MROH7: variants seen among roughly 807,000 people sequenced by gnomAD.
MROH7 encodes the protein maestro heat-like repeat-containing protein family member 7.
MROH7 carries 113 observed loss-of-function variants against 129.2 expected under a neutral mutation model. The observed-to-expected ratio is 0.87, with a 90% CI of 0.75 to 1.02. MROH7 has a LOEUF of 1.02. MROH7 is among the 50% of genes least tolerant of loss of function. The pLI is 0.00. For missense variants in MROH7, 1,601 were observed against 1,671.3 expected (o/e 0.96, Z 0.73); for synonymous variants, 655 against 667.9 (o/e 0.98, Z 0.30).
intron 23 of MROH7, 88 bp downstream of exon 23, chr1:54,709,164 G>A (rs1271941887): frequency 1.6e-6 from 2 of 1,269,218 alleles, no homozygotes; most frequent in East Asian, 2.3e-5. Flanking sequence ...GGGAAGGGAT[G>A]TGTCCCAAGA....
At position 54,700,277 on chromosome 1, in the gene MROH7, C is replaced by T. The variant is rs780342816; in HGVS notation, c.2965-44C>T. Reference sequence around the variant, plus strand: ...GTGCATGGGAGGCCAGGGGGCTGCCCTGCCCCCCTCAGCCTGGGAAGTAAT... The same window carrying T: ...GTGCATGGGAGGCCAGGGGGCTGCCTTGCCCCCCTCAGCCTGGGAAGTAAT... On this transcript the variant is annotated intron_variant, in intron 17 of 23. Coordinates refer to ENST00000421030, the MANE Select transcript of MROH7 (RefSeq NM_001039464.4). 31 of 1,613,136 alleles carry T rather than the reference C, an allele frequency of 1.9e-5. 1 individual carries two copies. The South Asian group carries it at 3.1e-4, about 16-fold the overall frequency.
chr1:54,699,159 T>TTTCTTTCTTTCTTTTC (rs71048705), intron 17 of MROH7: 103 of 65,916 alleles, frequency 1.6e-3, no homozygotes, highest in East Asian at 2.9e-3. Context: ...TCTTTCTTTC[T>TTTCTTTCTTTCTTTTC]TTTCTTTCTT....
In MROH7 at chr1:54,653,074, C is replaced by A. The variant is rs1402091659; in HGVS notation, c.148C>A (p.Leu50Ile). ...DMAQVPMLNLLPSPGLALVPD... is the reference protein window; with the variant it reads ...DMAQVPMLNLIPSPGLALVPD... ...GGCTCAGGTGCCTATGTTGAATCTG[C>A]TCCCAAGTCCTGGCTTGGCTCTCGT... Residue 50 changes from leucine (L) to isoleucine (I), a missense_variant, in exon 3 of 24, where the codon CTC (leucine) becomes ATC (isoleucine). Leu to Ile is a conservative substitution (Grantham distance 5). Transcript: ENST00000421030. 2 of 1,614,080 alleles carry A rather than the reference C, an allele frequency of 1.2e-6. No individual in the cohort carries two copies. The highest frequency in any genetic ancestry group is 1.7e-5 in the Admixed American group (1 of 60,004).
In MROH7 at chr1:54,673,649, G is replaced by A. The variant is rs1346870459; in HGVS notation, c.1696-52G>A. ...TGAAGGCTGGCCTGTCCACCCAGCA[G>A]CAGGGGCTGTCATCTAACCTGTAGT... is the stretch of plus-strand genomic sequence containing the variant. On this transcript the variant is annotated intron_variant, in intron 8 of 23. Transcript: ENST00000421030. 1.1e-5 allele frequency: 15 copies of A among 1,412,930 alleles called. No homozygotes were observed. In the East Asian group the frequency reaches 3.2e-4, roughly 30 times the overall value. 87.5% of individuals were successfully genotyped at this position (1,412,930 alleles called of 1,614,324 possible).
chr1:54,661,793 G>T (rs551997692), intron 3 of MROH7, among the ~76,000 whole-genome samples: 1 of 151,700 alleles, frequency 6.6e-6, no homozygotes, highest in Non-Finnish European at 1.5e-5. Context: ...ACGGAGTTTC[G>T]CCACATTGGC....
rs41297849 is a variant in MROH7 at position 54,663,865 on chromosome 1, C to A, written c.1232-1302C>A. The A allele has an allele frequency of 1.0e-3, 454 of 434,452 alleles. 1 individual carries two copies. The highest frequency in any genetic ancestry group is 1.2e-3 in the Non-Finnish European group (258 of 220,652). 26.9% of individuals were successfully genotyped at this position (434,452 alleles called of 1,614,324 possible). On this transcript the variant is annotated intron_variant, in intron 3 of 23. Transcript: ENST00000421030. The stretch of plus-strand genomic sequence containing the variant: ...GGGAAAGGTATTTAGAAGCTAAGAT[C>A]TTGGTGTTGGCTGTGTTCACTACAA...
intron 17 of MROH7, chr1:54,698,854 C>T (rs1430101109): frequency 2.6e-5 from 4 of 151,004 alleles, no homozygotes; most frequent in East Asian, 2.0e-4. Flanking sequence ...AGTGCAATGG[C>T]GCCATCTTGG....
chr1:54,704,940 C>T (rs1215433917), intron 21 of MROH7, among the ~76,000 whole-genome samples: 2 of 151,712 alleles, frequency 1.3e-5, no homozygotes, highest in East Asian at 1.9e-4. Flanking sequence ...GCTGGGATTA[C>T]AGGCATATGC....
At chr1:54,694,491 G>C (rs1569971722) in intron 16 of MROH7, among the ~76,000 whole-genome samples, 1 of 152,088 alleles carries the variant, frequency 6.6e-6, no homozygotes, top group Admixed American at 6.5e-5. Flanking sequence ...TTTTGAGATG[G>C]AGTCTCACTC....
intron 8 of MROH7, 31 bp from the exon 9 acceptor site, chr1:54,673,670 G>A (rs1308505930): frequency 1.3e-6 from 2 of 1,544,934 alleles, no homozygotes; most frequent in Admixed American, 3.3e-5. Context: ...CATCTAACCT[G>A]TAGTTCTGAG....
chr1:54,661,671 C>T (rs1446211712), intron 3 of MROH7, among the ~76,000 whole-genome samples: 3 of 152,172 alleles, frequency 2.0e-5, no homozygotes, highest in African/African-American at 7.2e-5. Flanking sequence ...TCTTGGCTCA[C>T]TATAACCTCT....
At position 54,706,526 on chromosome 1, in the gene MROH7, T is replaced by C. The variant is rs779991896; in HGVS notation, c.3656T>C (p.Val1219Ala). 1 of 1,612,794 alleles carries C rather than the reference T, an allele frequency of 6.2e-7. No individual in the cohort carries two copies. Among genetic ancestry groups the C allele is most frequent in the South Asian group, 1.1e-5 (1 of 91,054 alleles). Residue 1219 changes from valine to alanine, a missense_variant, in exon 22 of 24, where the codon GTC becomes GCC. Physicochemically the swap from Val to Ala is moderately conservative, Grantham distance 64. Transcript: ENST00000421030. ...CGGGCCTCCCTCCGGAAGTGCTCAGTCATGTTCATAGGTAACCTGCCCTGG... is the reference window on the plus strand; with the variant it reads ...CGGGCCTCCCTCCGGAAGTGCTCAGCCATGTTCATAGGTAACCTGCCCTGG... Reference protein sequence around the residue: ...NSRASLRKCSVMFIGSLVPCM... With the variant: ...NSRASLRKCSAMFIGSLVPCM...
intron 1 of MROH7, chr1:54,651,273 G>C (rs1644550322): frequency 6.6e-6 from 1 of 152,286 alleles, no homozygotes; most frequent in Non-Finnish European, 1.5e-5. Flanking sequence ...TGCAGTTTCT[G>C]CATCAGTGGA....
rs139128892 is a variant in MROH7, at chr1:54,660,527, A to C, written c.1232-4640A>C. Among the ~76,000 whole-genome samples the C allele has an allele frequency of 5.3e-3, 814 of 152,340 alleles. 5 individuals carry two copies. The highest frequency in any genetic ancestry group is 9.0e-3 in the Non-Finnish European group (612 of 68,040). On this transcript the variant is annotated intron_variant, in intron 3 of 23. Transcript: ENST00000421030. ...TGGTGTTATCAGTTAAAAAAATTGT[A>C]GTCAGGCCGGGTGCAGTGGCTCACG...
At chr1:54,682,859 G>A in intron 14 of MROH7, 65 bp downstream of exon 14, 3 of 1,559,146 alleles carry the variant, frequency 1.9e-6, no homozygotes, top group African/African-American at 1.4e-5. Context: ...CTTCCCTCCT[G>A]CTGAGCTAAG....
At chr1:54,675,368 A>T (rs767888763) in intron 10 of MROH7, among the ~76,000 whole-genome samples, 2 of 152,202 alleles carry the variant, frequency 1.3e-5, no homozygotes, top group African/African-American at 2.4e-5. Context: ...GGCACTTGTC[A>T]TGTAGTTCAC....
rs184260869 is a variant in MROH7 at position 54,704,878 on chromosome 1, C to G, written c.3565-1557C>G. On this transcript the variant is annotated intron_variant, in intron 21 of 23. Coordinates refer to ENST00000421030, the MANE Select transcript of MROH7 (RefSeq NM_001039464.4). ...GCAATGGTGTGATCTCCGCTCATCGCAACCCTCGCCTCCCAGGTTCAAGTG... is the reference window on the plus strand; with the variant it reads ...GCAATGGTGTGATCTCCGCTCATCGGAACCCTCGCCTCCCAGGTTCAAGTG... Among the ~76,000 whole-genome samples the G allele has an allele frequency of 2.7e-3, 388 of 141,396 alleles. 5 individuals carry two copies. Among genetic ancestry groups the G allele is most frequent in the African/African-American group, 0.01 (377 of 37,560 alleles). 92.8% of individuals were successfully genotyped at this position (141,396 alleles called of 152,430 possible).
At chr1:54,691,786 CAAAA>C (rs1199947432) in intron 15 of MROH7, among the ~76,000 whole-genome samples, 2 of 65,728 alleles carry the variant, frequency 3.0e-5, no homozygotes, top group Non-Finnish European at 3.1e-5. Flanking sequence ...AGCCTGGCGA[CAAAA>C]AAAAAAAAAA....
rs1644950558 is a variant in MROH7 at position 54,674,366 on chromosome 1, G to A, written c.1936+215G>A. ...TACAAACAAAACTATTTTGATTTAA[G>A]CAATCTTGCTTTTTCTCATCCTTCC... On this transcript the variant is annotated intron_variant, in intron 10 of 23. Transcript: ENST00000421030. Among the ~76,000 whole-genome samples the A allele has an allele frequency of 1.3e-5, 2 of 152,140 alleles. 1 individual carries two copies. The highest frequency in any genetic ancestry group is 4.1e-4 in the South Asian group (2 of 4,828).
Sources: gnomAD v4.1 joint callset for allele counts (sites outside exome capture counted in the v4.1 genomes callset) on GRCh38, gnomAD v4.1.1 for gene constraint, MANE v1.5 for transcripts, NCBI Gene and HGNC (gene_info 2026-07-23, HGNC 2026-07-21) for gene names.